TBC1D22A: variants seen among roughly 807,000 people sequenced by gnomAD.
TBC1D22A encodes the protein putative GTPase activator.
Under a neutral mutation model 60.2 loss-of-function variants are expected in TBC1D22A, and 38 were observed. The ratio of observed to expected loss-of-function variants is 0.63; its 90% confidence interval spans 0.49 to 0.83. TBC1D22A has a LOEUF of 0.83. TBC1D22A is among the 40% of genes least tolerant of loss of function. The pLI, the probability that TBC1D22A is intolerant of heterozygous loss-of-function variation, is 0.00. For missense variants in TBC1D22A, 628 were observed against 701.0 expected, an observed-to-expected ratio of 0.90 and a Z score of 1.18; for synonymous variants, 302 against 281.7, an observed-to-expected ratio of 1.07 and a Z score of -0.72.
intron 4 of TBC1D22A, among the ~76,000 whole-genome samples, chr22:46,862,172 G>C (rs1186872744): frequency 6.6e-6 from 1 of 152,196 alleles, no homozygotes; most frequent in East Asian, 1.9e-4. Context: ...AGATTGGGTG[G>C]AACGCGGTAT....
chr22:46,974,342 G>A lies in TBC1D22A; in HGVS notation c.1068G>A (p.Leu356=), dbSNP rs145880479. Residue 356 remains leucine, a synonymous_variant, in exon 9 of 13, where the codon CTG becomes CTA. Transcript: ENST00000337137. ...TCTCCGGCGTGCCCGCAGAGGTGCT[G>A]TGCAACATCGAGGCCGACACCTACT... ...VDVSGVPAEV[L]CNIEADTYWC... 2 of 1,610,794 alleles carry A rather than the reference G, an allele frequency of 1.2e-6. No homozygotes were observed. The highest frequency in any genetic ancestry group is 1.7e-6 in the Non-Finnish European group (2 of 1,178,814).
chr22:46,812,060 A>G (rs1459842818), intron 4 of TBC1D22A, among the ~76,000 whole-genome samples: 1 of 152,110 alleles, frequency 6.6e-6, no homozygotes, highest in African/African-American at 2.4e-5. Flanking sequence ...GAGTCCCAGA[A>G]GGTTTTGGGC....
At chr22:46,930,187 C>G (rs1287827367) in intron 8 of TBC1D22A, among the ~76,000 whole-genome samples, 1 of 152,172 alleles carries the variant, frequency 6.6e-6, no homozygotes, top group Non-Finnish European at 1.5e-5. Flanking sequence ...CTGTCTCCCC[C>G]ATCAGACCAC....
chr22:46,912,128 G>T lies in TBC1D22A; in HGVS notation c.955G>T (p.Val319Phe). 6.2e-7 allele frequency: 1 copy of T among 1,614,042 alleles called. No individual in the cohort carries two copies. The highest frequency in any genetic ancestry group is 1.1e-5 in the South Asian group (1 of 91,050). ...WAIRHPASGYVQGINDLVTPF... is the reference protein window; with the variant it reads ...WAIRHPASGYFQGINDLVTPF... ...GATCCGCCACCCAGCCAGTGGATAC[G>T]TTCAGGGTATAAATGATCTCGTCAC... is the stretch of plus-strand genomic sequence containing the variant. Residue 319 changes from valine (V) to phenylalanine (F), a missense_variant, in exon 8 of 13, where the codon GTT becomes TTT. Physicochemically the swap from Val to Phe is conservative, Grantham distance 50 (BLOSUM62 -1). Transcript: ENST00000337137.
intron 11 of TBC1D22A, among the ~76,000 whole-genome samples, chr22:47,075,680 A>G (rs1469051863): frequency 6.6e-6 from 1 of 152,218 alleles, no homozygotes; most frequent in Non-Finnish European, 1.5e-5. Flanking sequence ...ATCATGAATA[A>G]GATATTTTAA....
intron 12 of TBC1D22A, among the ~76,000 whole-genome samples, chr22:47,152,783 G>A (rs2067555937): frequency 6.6e-6 from 1 of 152,226 alleles, no homozygotes; most frequent in Non-Finnish European, 1.5e-5. Context: ...CATCGGCCGT[G>A]GCGGCAGAGC....
intron 10 of TBC1D22A, among the ~76,000 whole-genome samples, chr22:47,011,138 C>G (rs2061740646): frequency 6.6e-6 from 1 of 152,180 alleles, no homozygotes; most frequent in African/African-American, 2.4e-5. Context: ...TGGATGATCT[C>G]CAGGTTGCTT....
intron 4 of TBC1D22A, among the ~76,000 whole-genome samples, chr22:46,852,312 C>A (rs1215968172): frequency 6.6e-6 from 1 of 152,238 alleles, no homozygotes; most frequent in Non-Finnish European, 1.5e-5. Context: ...AGAACTTTAG[C>A]ACCTCCCCTC....
intron 5 of TBC1D22A, among the ~76,000 whole-genome samples, chr22:46,887,211 G>A (rs1555926340): frequency 6.6e-6 from 1 of 152,180 alleles, no homozygotes; most frequent in Non-Finnish European, 1.5e-5. Flanking sequence ...ATGCAGACAC[G>A]CAATGGCATC....
chr22:46,828,897 A>G (rs2086186859), intron 4 of TBC1D22A, among the ~76,000 whole-genome samples: 1 of 152,154 alleles, frequency 6.6e-6, no homozygotes. Context: ...TTAGTACCTC[A>G]TGGGTCTTAT....
chr22:47,149,676 G>C (rs1248867966), intron 12 of TBC1D22A, among the ~76,000 whole-genome samples: 1 of 152,266 alleles, frequency 6.6e-6, no homozygotes, highest in African/African-American at 2.4e-5. Context: ...GGAGGTACCC[G>C]CAGTGGCGAG....
intron 4 of TBC1D22A, among the ~76,000 whole-genome samples, chr22:46,860,470 C>G (rs1277269795): frequency 5.0e-5 from 4 of 80,124 alleles, no homozygotes; most frequent in Non-Finnish European, 9.2e-5. Flanking sequence ...GAGGTCCGCG[C>G]AGTGCTGTGC....
intron 10 of TBC1D22A, among the ~76,000 whole-genome samples, chr22:47,030,023 G>A (rs2062415249): frequency 6.6e-6 from 1 of 152,248 alleles, no homozygotes; most frequent in Non-Finnish European, 1.5e-5. Flanking sequence ...AGCTGTCAGC[G>A]ACATAAACCA....
In TBC1D22A at chr22:46,767,465, C is replaced by T. The variant is rs563625544; in HGVS notation, c.62+4617C>T. Reference sequence around the variant, plus strand: ...GCTGATCCAGCAAATATGTATTCAACCCATAGTATGTGTTAGGAACAGCCC... The same window carrying T: ...GCTGATCCAGCAAATATGTATTCAATCCATAGTATGTGTTAGGAACAGCCC... On this transcript the variant is annotated intron_variant, in intron 1 of 12. Transcript: ENST00000337137. Among the ~76,000 whole-genome samples, 565 of 152,290 alleles carry T rather than the reference C, an allele frequency of 3.7e-3. 5 individuals carry two copies. The highest frequency in any genetic ancestry group is 0.013 in the African/African-American group (538 of 41,542).
chr22:46,926,129 A>T (rs2071035203), intron 8 of TBC1D22A, among the ~76,000 whole-genome samples: 2 of 152,236 alleles, frequency 1.3e-5, no homozygotes, highest in Non-Finnish European at 2.9e-5. Flanking sequence ...AGAAAATGAA[A>T]ACACAATATA....
At chr22:46,822,016 G>A (rs2085852653) in intron 4 of TBC1D22A, among the ~76,000 whole-genome samples, 1 of 151,312 alleles carries the variant, frequency 6.6e-6, no homozygotes, top group Admixed American at 6.6e-5. Flanking sequence ...CCTTTCTTCT[G>A]CTTGGTCGAT....
intron 8 of TBC1D22A, among the ~76,000 whole-genome samples, chr22:46,954,054 C>T (rs1042253846): frequency 6.6e-6 from 1 of 152,086 alleles, no homozygotes. Context: ...TTCAGAAGGT[C>T]GAGGATCAGG....
rs763229513 is a variant in TBC1D22A, at chr22:46,919,669, T to C, written c.1015+7481T>C. Among the ~76,000 whole-genome samples the C allele has an allele frequency of 4.6e-5, 7 of 152,062 alleles. No individual in the cohort carries two copies. In the South Asian group the frequency reaches 8.3e-4, roughly 18 times the overall value. On this transcript the variant is annotated intron_variant, in intron 8 of 12. Transcript: ENST00000337137. ...CCCATAGCATTGTGGGAGGAGCGTA[T>C]GTTTCCTCTTCCTGCAGGAGTGTGT...
At chr22:46,794,683 C>G (rs1458501221) in intron 3 of TBC1D22A, among the ~76,000 whole-genome samples, 1 of 152,202 alleles carries the variant, frequency 6.6e-6, no homozygotes, top group Non-Finnish European at 1.5e-5. Context: ...TGCTGGGAGG[C>G]AGCAGGTGCC....
Sources: allele counts gnomAD v4.1 joint callset (sites outside exome capture counted in the v4.1 genomes callset), GRCh38; gene constraint gnomAD v4.1.1; transcripts MANE v1.5; gene names NCBI Gene and HGNC (gene_info 2026-07-23, HGNC 2026-07-21).